The following CEMIP variants were observed in gnomAD, a reference collection of about 807,000 sequenced individuals.
The protein encoded by CEMIP is cell migration inducing hyaluronidase 1, also known as cell migration-inducing and hyaluronan-binding protein.
Under a neutral mutation model 156.9 loss-of-function variants are expected in CEMIP, and 105 were observed. The observed-to-expected ratio is 0.67, with a 90% CI of 0.57 to 0.79. CEMIP has a LOEUF of 0.79. Among genes scored for constraint, CEMIP ranks in the 30% least tolerant of loss-of-function variants. The pLI is 0.00. For missense variants in CEMIP, 1,457 were observed against 1,769.4 expected (o/e 0.82, Z 3.17); for synonymous variants, 676 against 668.4 (o/e 1.01, Z -0.17).
At chr15:80,843,007 A>G (rs1197016632) in intron 1 of CEMIP, among the ~76,000 whole-genome samples, 1 of 152,226 alleles carries the variant, frequency 6.6e-6, no homozygotes, top group Non-Finnish European at 1.5e-5. Flanking sequence ...AGCAGAGAAC[A>G]TCTTGCTAGT....
intron 1 of CEMIP, among the ~76,000 whole-genome samples, chr15:80,836,647 G>GTTTTCTGCCTCCTTACCTCCTGGA (rs1897276953): frequency 6.7e-6 from 1 of 148,672 alleles, no homozygotes; most frequent in African/African-American, 2.6e-5. Context: ...TACCTCCTGG[G>GTTTTCTGCCTCCTTACCTCCTGGA]TTTTCTGCCT....
chr15:80,910,758 A>G (rs972015701), intron 14 of CEMIP, among the ~76,000 whole-genome samples: 1 of 152,180 alleles, frequency 6.6e-6, no homozygotes, highest in Non-Finnish European at 1.5e-5. Flanking sequence ...CACCAAACAC[A>G]TAGGGCTGTC....
At chr15:80,836,986 G>A (rs1022967473) in intron 1 of CEMIP, among the ~76,000 whole-genome samples, 20 of 152,172 alleles carry the variant, frequency 1.3e-4, no homozygotes, top group Admixed American at 2.0e-4. Context: ...CCAGTCCCTA[G>A]CTCCCAACTA....
rs541700959 is a variant in CEMIP at position 80,915,677 on chromosome 15, A to G, written c.1798-4417A>G. On this transcript the variant is annotated intron_variant, in intron 14 of 29. Transcript: ENST00000394685. ...TTCCCCCCAGGCTACTCCCTCCCCA[A>G]CCTGGTTGTTGAGTTCTTGCCCCTC... is the stretch of plus-strand genomic sequence containing the variant. Among the ~76,000 whole-genome samples the G allele has an allele frequency of 3.9e-5, 6 of 152,058 alleles. No homozygotes were observed. The South Asian group carries it at 1.3e-3, about 32-fold the overall frequency.
At chr15:80,861,320 G>C (rs577130124) in intron 1 of CEMIP, among the ~76,000 whole-genome samples, 1 of 152,198 alleles carries the variant, frequency 6.6e-6, no homozygotes, top group East Asian at 1.9e-4. Context: ...GGCTCCTCCT[G>C]TCCGCCAGTG....
Position 80,810,561 on chromosome 15 carries a change from C to G in CEMIP, c.-176+30947C>G, listed in dbSNP as rs566907547. Among the ~76,000 whole-genome samples, 440 of 152,154 alleles carry G rather than the reference C, an allele frequency of 2.9e-3. 3 individuals are homozygous for G. The highest frequency in any genetic ancestry group is 0.02 in the Middle Eastern group (6 of 294). On this transcript the variant is annotated intron_variant, in intron 1 of 29. Transcript: ENST00000394685. ...TTTTTGTATTTTTAGTAGAGATGGG[C>G]TTTCACCGTGGTCTTGATCTCCTGA...
chr15:80,926,482 A>G (rs1348475434), intron 19 of CEMIP, among the ~76,000 whole-genome samples: 1 of 152,234 alleles, frequency 6.6e-6, no homozygotes, highest in Non-Finnish European at 1.5e-5. Context: ...ATTGTGACCA[A>G]GTAAAGGAGA....
rs778309859 is a variant in CEMIP, at chr15:80,814,043, CTTTTTTTTTTT to C, written c.-176+34444_-176+34454del. 2.0e-3 allele frequency among the ~76,000 whole-genome samples: 145 copies of C among 73,756 alleles called. 1 individual carries two copies. In the East Asian group the frequency reaches 0.052, roughly 27 times the overall value. The allele number at this position is 73,756 out of a possible 152,430, so 48.4% of individuals were successfully genotyped here. On this transcript the variant is annotated intron_variant, in intron 1 of 29. Transcript: ENST00000394685. ...AAAGGATAAAGTCCAAACTCTTTGG[CTTTTTTTTTTT>C]TTTTTTTTTTTTTTGAGACAGAGTC... is the stretch of plus-strand genomic sequence containing the variant.
At chr15:80,800,115 T>C (rs1212302641) in intron 1 of CEMIP, among the ~76,000 whole-genome samples, 1 of 149,000 alleles carries the variant, frequency 6.7e-6, no homozygotes, top group Non-Finnish European at 1.5e-5. Context: ...TGGACTCAAG[T>C]GATCCTCCCA....
At chr15:80,876,808 G>A (rs1898494319) in intron 3 of CEMIP, among the ~76,000 whole-genome samples, 2 of 152,200 alleles carry the variant, frequency 1.3e-5, no homozygotes, top group South Asian at 4.1e-4. Context: ...ATAAATATGG[G>A]ACAGACACTC....
In CEMIP at chr15:80,926,754, TA is replaced by T. The variant is rs541567301; in HGVS notation, c.2420+1002del. On this transcript the variant is annotated intron_variant, in intron 19 of 29. Coordinates refer to ENST00000394685, the MANE Select transcript of CEMIP (RefSeq NM_001293298.2). Reference sequence around the variant, plus strand: ...GCAGGCAGTGGCCAAAAATAAACAATAAATTTTTTTTTAAAAAAGTCAAAAA... The same window carrying T: ...GCAGGCAGTGGCCAAAAATAAACAATAATTTTTTTTTAAAAAAGTCAAAAA... Among the ~76,000 whole-genome samples, 910 of 138,382 alleles carry T rather than the reference TA, an allele frequency of 6.6e-3. 9 individuals carry two copies. The highest frequency in any genetic ancestry group is 0.025 in the African/African-American group (864 of 34,904). The allele number at this position is 138,382 out of a possible 152,430, so 90.8% of individuals were successfully genotyped here.
chr15:80,896,767 C>A (rs142551952), intron 12 of CEMIP, among the ~76,000 whole-genome samples: 2 of 152,322 alleles, frequency 1.3e-5, no homozygotes, highest in East Asian at 3.9e-4. Flanking sequence ...CAGAATCCAA[C>A]TTGACTATCT....
intron 1 of CEMIP, among the ~76,000 whole-genome samples, chr15:80,847,682 GA>G (rs1897597408): frequency 1.5e-4 from 23 of 152,240 alleles, no homozygotes; most frequent in Admixed American, 1.4e-3. Flanking sequence ...CAAGGCTACT[GA>G]GAAAATAGAT....
chr15:80,836,057 A>T (rs1006363477), intron 1 of CEMIP, among the ~76,000 whole-genome samples: 9 of 147,068 alleles, frequency 6.1e-5, no homozygotes, highest in Non-Finnish European at 1.2e-4. Flanking sequence ...GTATATTTAG[A>T]GATGAGACGG....
In CEMIP at chr15:80,787,397, TGGGCATTTGCAGTTG is replaced by T. The variant is rs1255966697; in HGVS notation, c.-176+7784_-176+7798del. Reference sequence around the variant, plus strand: ...CTGGCAGATGGGTTTCCCTCCAGGATGGGCATTTGCAGTTGCCTGGGGCTCCTTCTACTGGCCATA... The same window carrying T: ...CTGGCAGATGGGTTTCCCTCCAGGATCCTGGGGCTCCTTCTACTGGCCATA... On this transcript the variant is annotated intron_variant, in intron 1 of 29. Transcript: ENST00000394685. 2.0e-5 allele frequency among the ~76,000 whole-genome samples: 3 copies of T among 152,196 alleles called. No homozygotes were observed. In the East Asian group the frequency reaches 5.8e-4, roughly 29 times the overall value.
intron 29 of CEMIP, 54 bp from the exon 30 acceptor site, chr15:80,948,743 G>C (rs1457038583): frequency 6.2e-7 from 1 of 1,612,592 alleles, no homozygotes; most frequent in Non-Finnish European, 8.5e-7. Context: ...AACGGGGTGG[G>C]GCAGCCGTCC....
At chr15:80,936,560 T>A in intron 23 of CEMIP, 114 bp from the exon 24 acceptor site, 2 of 925,442 alleles carry the variant, frequency 2.2e-6, no homozygotes, top group Non-Finnish European at 3.5e-6. Context: ...AAAAGGGTTC[T>A]GTAAAGAGAA....
At chr15:80,875,087 G>A (rs1898431381) in intron 3 of CEMIP, among the ~76,000 whole-genome samples, 2 of 134,760 alleles carry the variant, frequency 1.5e-5, no homozygotes, top group Admixed American at 1.7e-4. Flanking sequence ...AAGCTGGAGT[G>A]CAGTGATATG....
intron 28 of CEMIP, 189 bp from the exon 29 acceptor site, chr15:80,946,776 T>C (rs1901573746): frequency 3.2e-6 from 2 of 621,352 alleles, no homozygotes; most frequent in Non-Finnish European, 5.9e-6. Flanking sequence ...GAGCTCAGGA[T>C]GTTCGTCACC....
Sources: gnomAD v4.1 joint callset for allele counts (sites outside exome capture counted in the v4.1 genomes callset) on GRCh38, gnomAD v4.1.1 for gene constraint, MANE v1.5 for transcripts, NCBI Gene and HGNC (gene_info 2026-07-23, HGNC 2026-07-21) for gene names.